Variants in PPA2 observed in about 807,000 individuals in gnomAD.
The protein encoded by PPA2 is inorganic pyrophosphatase 2.
In PPA2, 48 loss-of-function variants were observed where a neutral mutation model predicts 49.5. That is an observed-to-expected ratio of 0.97 (90% confidence interval 0.77 to 1.23). The LOEUF is 1.23. Ranked by LOEUF, PPA2 falls within the 50% of genes most tolerant of loss-of-function variation. The pLI is 0.00. For missense variants in PPA2, 429 were observed against 410.1 expected (o/e 1.05, Z -0.40); for synonymous variants, 131 against 139.9 (o/e 0.94, Z 0.45).
rs1342837664 is a variant in PPA2 at position 105,415,022 on chromosome 4, G to A, written c.655+9174C>T. On this transcript the variant is annotated intron_variant, in intron 7 of 11. Transcript: ENST00000341695. Reference sequence around the variant, plus strand: ...GCTCCTAACGCAGGCAGGTTGTCCCGTCCTCCCGAGTCTGGTTAAATCCAA... The same window carrying A: ...GCTCCTAACGCAGGCAGGTTGTCCCATCCTCCCGAGTCTGGTTAAATCCAA... 3.9e-5 allele frequency among the ~76,000 whole-genome samples: 6 copies of A among 152,216 alleles called. No homozygotes were observed. In the East Asian group the frequency reaches 9.7e-4, roughly 25 times the overall value.
chr4:105,449,472 T>C, intron 3 of PPA2, 69 bp from the exon 4 acceptor site: 2 of 941,434 alleles, frequency 2.1e-6, no homozygotes, highest in Non-Finnish European at 3.3e-6. Flanking sequence ...GTTACCTCCC[T>C]TATAAGAATA....
At chr4:105,418,073 C>A (rs553428797) in intron 7 of PPA2, among the ~76,000 whole-genome samples, 1 of 152,304 alleles carries the variant, frequency 6.6e-6, no homozygotes, top group East Asian at 1.9e-4. Flanking sequence ...CCAAAAGAAG[C>A]ACTTAGCATA....
intron 9 of PPA2, among the ~76,000 whole-genome samples, chr4:105,387,511 G>A (rs1307345800): frequency 2.0e-5 from 3 of 152,076 alleles, no homozygotes; most frequent in South Asian, 2.1e-4. Flanking sequence ...GAAATATGCC[G>A]AGATATCGGT....
chr4:105,445,053 T>C (rs993166507), intron 5 of PPA2, among the ~76,000 whole-genome samples: 12 of 152,210 alleles, frequency 7.9e-5, no homozygotes, highest in Non-Finnish European at 1.3e-4. Flanking sequence ...AGTCACTTAT[T>C]ATGAGGCCTT....
chr4:105,391,186 T>C (rs1291640589), intron 9 of PPA2, among the ~76,000 whole-genome samples: 1 of 149,890 alleles, frequency 6.7e-6, no homozygotes, highest in East Asian at 2.0e-4. Flanking sequence ...GGCCTGCTGG[T>C]GGGGGGAGGG....
Position 105,449,235 on chromosome 4 carries a change from A to ATTT in PPA2, c.321+114_321+115insAAA. 1.9e-4 allele frequency: 6 copies of ATTT among 31,668 alleles called. No homozygotes were observed. In the South Asian group the frequency reaches 4.6e-3, roughly 25 times the overall value. The allele number at this position is 31,668 out of a possible 1,614,324, so 2.0% of individuals were successfully genotyped here. A position where few individuals can be genotyped will look rare whatever the true frequency, so the allele number is the denominator to read the frequency against. On this transcript the variant is annotated intron_variant, in intron 4 of 11. Coordinates refer to ENST00000341695, the MANE Select transcript of PPA2 (RefSeq NM_176869.3). ...CCGTCTCAAAAAAAAAAAAAAAAAAAAAAAAAAAAAAAAAAAAAAAAAAAA... is the reference window on the plus strand; with the variant it reads ...CCGTCTCAAAAAAAAAAAAAAAAAAATTTAAAAAAAAAAAAAAAAAAAAAAAAA...
At chr4:105,445,215 T>G (rs1376620738) in intron 5 of PPA2, among the ~76,000 whole-genome samples, 1 of 152,200 alleles carries the variant, frequency 6.6e-6, no homozygotes, top group Non-Finnish European at 1.5e-5. Flanking sequence ...TTTGTCTGTC[T>G]CTAATTCATT....
intron 10 of PPA2, among the ~76,000 whole-genome samples, chr4:105,379,164 C>A (rs1733373800): frequency 6.6e-6 from 1 of 151,896 alleles, no homozygotes; most frequent in South Asian, 2.1e-4. Context: ...TTACTTAGTT[C>A]TCTGATGTCT....
chr4:105,412,911 A>G (rs572989396), intron 7 of PPA2, among the ~76,000 whole-genome samples: 8 of 152,336 alleles, frequency 5.3e-5, no homozygotes, highest in African/African-American at 1.4e-4. Flanking sequence ...CAACCATTGC[A>G]GAAGACAGTG....
intron 10 of PPA2, among the ~76,000 whole-genome samples, chr4:105,381,175 T>G (rs1015618160): frequency 1.3e-5 from 2 of 152,110 alleles, no homozygotes; most frequent in Admixed American, 1.3e-4. Flanking sequence ...GGTCATTGTA[T>G]GTTTCCTCTT....
chr4:105,394,399 A>AG (rs1734052618), intron 9 of PPA2, among the ~76,000 whole-genome samples: 1 of 136,504 alleles, frequency 7.3e-6, no homozygotes, highest in African/African-American at 2.5e-5. Flanking sequence ...AAGAAAGAAA[A>AG]AAAAAGAGAG....
At chr4:105,409,483 G>A (rs1427248200) in intron 7 of PPA2, among the ~76,000 whole-genome samples, 1 of 152,258 alleles carries the variant, frequency 6.6e-6, no homozygotes, top group Non-Finnish European at 1.5e-5. Context: ...ACAAAAGGCA[G>A]CAGAAACTTC....
At chr4:105,379,286 A>C (rs1733378204) in intron 10 of PPA2, among the ~76,000 whole-genome samples, 1 of 151,822 alleles carries the variant, frequency 6.6e-6, no homozygotes, top group Non-Finnish European at 1.5e-5. Context: ...ATGTAATTTT[A>C]ATATTATTTT....
chr4:105,447,610 CATA>C (rs760614577), intron 4 of PPA2, among the ~76,000 whole-genome samples: 7 of 152,050 alleles, frequency 4.6e-5, no homozygotes, highest in African/African-American at 1.7e-4. Context: ...ATTCATAAGT[CATA>C]ATGTCACTTT....
At chr4:105,432,126 TTGA>T (rs1723832278) in intron 6 of PPA2, among the ~76,000 whole-genome samples, 1 of 152,226 alleles carries the variant, frequency 6.6e-6, no homozygotes, top group Admixed American at 6.5e-5. Flanking sequence ...CAAATTATTT[TTGA>T]TGATGGTGGA....
intron 8 of PPA2, 146 bp from the exon 9 acceptor site, chr4:105,396,480 C>T: frequency 1.8e-6 from 1 of 542,394 alleles, no homozygotes; most frequent in Non-Finnish European, 3.1e-6. Context: ...TTCTGGCTTC[C>T]TTATTTGTCA....
At chr4:105,421,148 A>G (rs1723235567) in intron 7 of PPA2, among the ~76,000 whole-genome samples, 1 of 152,244 alleles carries the variant, frequency 6.6e-6, no homozygotes, top group African/African-American at 2.4e-5. Flanking sequence ...TCCAGCTCCA[A>G]ATATACAACT....
At chr4:105,394,291 T>C (rs775885904) in intron 9 of PPA2, among the ~76,000 whole-genome samples, 18 of 147,850 alleles carry the variant, frequency 1.2e-4, no homozygotes, top group Non-Finnish European at 2.1e-4. Context: ...TGCAAATTAC[T>C]TGAACCTGGG....
intron 6 of PPA2, among the ~76,000 whole-genome samples, chr4:105,431,646 C>A (rs1248733239): frequency 6.6e-6 from 1 of 152,134 alleles, no homozygotes; most frequent in Admixed American, 6.5e-5. Context: ...CATAGCAGCA[C>A]TATTCATAAT....
Sources: gnomAD v4.1 joint callset for allele counts (sites outside exome capture counted in the v4.1 genomes callset) on GRCh38, gnomAD v4.1.1 for gene constraint, MANE v1.5 for transcripts, NCBI Gene and HGNC (gene_info 2026-07-23, HGNC 2026-07-21) for gene names.